Variants in UNC5B observed in about 807,000 individuals in gnomAD.
UNC5B encodes the protein unc-5 netrin receptor B.
In UNC5B, 56 loss-of-function variants were observed where a neutral mutation model predicts 103.7. The observed-to-expected ratio is 0.54, with a 90% CI of 0.44 to 0.67. The LOEUF (loss-of-function observed/expected upper bound fraction) is 0.67, where lower values mean the gene tolerates loss of function less well. Among genes scored for constraint, UNC5B ranks in the 30% least tolerant of loss-of-function variants. UNC5B has a pLI of 0.00. For missense variants in UNC5B, 1,194 were observed against 1,284.5 expected (o/e 0.93, Z 1.08); for synonymous variants, 577 against 542.0 (o/e 1.06, Z -0.90).
chr10:71,277,748 A>C (rs1281512984), intron 1 of UNC5B, among the ~76,000 whole-genome samples: 3 of 152,206 alleles, frequency 2.0e-5, no homozygotes, highest in Admixed American at 2.0e-4. Flanking sequence ...TGGCCTCAGG[A>C]ATCTGCCTTG....
At chr10:71,289,481 G>A (rs937360482) in intron 8 of UNC5B, among the ~76,000 whole-genome samples, 2 of 152,166 alleles carry the variant, frequency 1.3e-5, no homozygotes, top group African/African-American at 2.4e-5. Flanking sequence ...GCTGCCCTGC[G>A]TCAGCTCTGG....
chr10:71,288,467 T>C, intron 6 of UNC5B, 101 bp from the exon 7 acceptor site: 1 of 1,487,478 alleles, frequency 6.7e-7, no homozygotes. Context: ...CCATGGTGTG[T>C]ATGCATGCAT....
intron 1 of UNC5B, among the ~76,000 whole-genome samples, chr10:71,261,302 G>A (rs962209115): frequency 6.6e-6 from 1 of 152,192 alleles, no homozygotes; most frequent in East Asian, 1.9e-4. Context: ...CCTGTGCTGA[G>A]AAGGAGGCCT....
At position 71,288,613 on chromosome 10, in the gene UNC5B, C is replaced by G. The variant is rs1255135397; in HGVS notation, c.947C>G (p.Thr316Ser). The change falls in exon 7 of 17, where the codon ACT becomes AGT. Residue 316 changes from threonine to serine, a missense_variant. By Grantham distance (58) the Thr-to-Ser change is moderately conservative. Coordinates refer to ENST00000335350, the MANE Select transcript of UNC5B (RefSeq NM_170744.5). ...TEWSKWSACS[T>S]ECAHWRSREC... ...TGGAGCAAGTGGTCAGCCTGCAGCA[C>G]TGAGTGTGCCCACTGGCGTAGCCGC... 2 of 1,614,066 alleles carry G rather than the reference C, an allele frequency of 1.2e-6. No homozygotes were observed. The highest frequency in any genetic ancestry group is 1.7e-6 in the Non-Finnish European group (2 of 1,180,036).
intron 13 of UNC5B, among the ~76,000 whole-genome samples, chr10:71,294,604 C>T (rs1374214888): frequency 3.3e-5 from 5 of 152,060 alleles, no homozygotes; most frequent in East Asian, 1.9e-4. Flanking sequence ...CTGGATGCTG[C>T]GTGTGCTCAG....
intron 15 of UNC5B, 91 bp from the exon 16 acceptor site, chr10:71,297,818 G>A (rs762039039): frequency 2.2e-5 from 30 of 1,389,554 alleles, no homozygotes; most frequent in Non-Finnish European, 2.6e-5. Flanking sequence ...AGTGACTCAA[G>A]GCTCAATGAG....
chr10:71,297,352 C>A (rs1325110335), intron 15 of UNC5B, among the ~76,000 whole-genome samples: 1 of 152,256 alleles, frequency 6.6e-6, no homozygotes, highest in Non-Finnish European at 1.5e-5. Flanking sequence ...GATTTGCACA[C>A]AGTACACCAG....
In UNC5B at chr10:71,299,241, G is replaced by A; in HGVS notation, c.2802G>A (p.Glu934=). ...CCTTGGAGGAGATGGGCAAGAGTGAGATGCTGGTGGCTGTGGCCACCGACG... is the reference window on the plus strand; with the variant it reads ...CCTTGGAGGAGATGGGCAAGAGTGAAATGCTGGTGGCTGTGGCCACCGACG... The part of the protein sequence containing the change: ...ASALEEMGKS[E]MLVAVATDGD... Residue 934 remains glutamate, a synonymous_variant, in exon 17 of 17, where the codon GAG becomes GAA. Transcript: ENST00000335350. The A allele has an allele frequency of 1.2e-6, 2 of 1,614,216 alleles. No homozygotes were observed. The highest frequency in any genetic ancestry group is 1.7e-6 in the Non-Finnish European group (2 of 1,180,040).
intron 15 of UNC5B, among the ~76,000 whole-genome samples, chr10:71,297,411 G>C (rs535140345): frequency 9.8e-5 from 15 of 152,314 alleles, no homozygotes; most frequent in Admixed American, 3.3e-4. Flanking sequence ...CAGGCCTGTG[G>C]TTCTCAACCG....
At chr10:71,266,531 C>T (rs1337333669) in intron 1 of UNC5B, among the ~76,000 whole-genome samples, 1 of 152,142 alleles carries the variant, frequency 6.6e-6, no homozygotes, top group Non-Finnish European at 1.5e-5. Flanking sequence ...GGGCGTCCCT[C>T]GGGGCTGGAG....
At chr10:71,225,263 A>C (rs1275256542) in intron 1 of UNC5B, among the ~76,000 whole-genome samples, 4 of 152,024 alleles carry the variant, frequency 2.6e-5, no homozygotes, top group Non-Finnish European at 4.4e-5. Flanking sequence ...TGTTCTCCAA[A>C]CCCACGGGGG....
chr10:71,293,518 G>T lies in UNC5B; in HGVS notation c.1886G>T (p.Ser629Ile). Residue 629 changes from serine to isoleucine, a missense_variant, in exon 12 of 17, where the codon AGT becomes ATT. Transcript: ENST00000335350. ...ILTMPHCAEVSARDWIFQLKT... is the reference protein window; with the variant it reads ...ILTMPHCAEVIARDWIFQLKT... ...ACCATGCCCCACTGTGCCGAAGTCA[G>T]TGCCCGTGACTGGATCTTTCAGCTC... is the stretch of plus-strand genomic sequence containing the variant. 1 of 1,614,042 alleles carries T rather than the reference G, an allele frequency of 6.2e-7. No individual in the cohort carries two copies. Among genetic ancestry groups the T allele is most frequent in the Non-Finnish European group, 8.5e-7 (1 of 1,180,038 alleles).
At chr10:71,230,555 T>C (rs60387595) in intron 1 of UNC5B, among the ~76,000 whole-genome samples, 5,182 of 152,280 alleles carry the variant, frequency 0.034, 283 homozygotes, top group African/African-American at 0.12. Flanking sequence ...CTCTCTGCCC[T>C]CCCCACCTCA....
intron 7 of UNC5B, 44 bp from the exon 8 acceptor site, chr10:71,288,914 C>CT (rs1845171423): frequency 1.2e-6 from 2 of 1,606,906 alleles, no homozygotes; most frequent in Admixed American, 3.3e-5. Flanking sequence ...CCACCCTTTC[C>CT]CTGTCACCTA....
intron 10 of UNC5B, 87 bp from the exon 11 acceptor site, chr10:71,292,380 C>A: frequency 8.5e-6 from 10 of 1,179,268 alleles, no homozygotes; most frequent in Non-Finnish European, 1.2e-5. Context: ...AGATATCTTT[C>A]TCTCCCAGCC....
At chr10:71,250,749 A>G (rs1844154218) in intron 1 of UNC5B, among the ~76,000 whole-genome samples, 1 of 152,230 alleles carries the variant, frequency 6.6e-6, no homozygotes, top group East Asian at 1.9e-4. Context: ...GGTTTCCTGA[A>G]GGGTTATCCC....
chr10:71,296,459 A>C (rs921744123), intron 14 of UNC5B, 119 bp from the exon 15 acceptor site: 1 of 1,181,364 alleles, frequency 8.5e-7, no homozygotes, highest in South Asian at 1.5e-5. Flanking sequence ...ACCCCTCCCT[A>C]TCTGGGTGGA....
At position 71,299,646 on chromosome 10, in the gene UNC5B, C is replaced by T. The variant is rs16928659; in HGVS notation, c.*369C>T. Reference sequence around the variant, plus strand: ...TTCTGGGTTCCATGGGTTTTAGTTCCGTTCTCGTTTTCTTCCTCCGTTATT... The same window carrying T: ...TTCTGGGTTCCATGGGTTTTAGTTCTGTTCTCGTTTTCTTCCTCCGTTATT... On this transcript the variant is annotated 3_prime_UTR_variant, in exon 17 of 17. Transcript: ENST00000335350. 1,002 of 155,408 alleles carry T rather than the reference C, an allele frequency of 6.4e-3. 8 individuals are homozygous for T. In the African/African-American group the frequency reaches 0.066, roughly 10 times the overall value. 9.6% of individuals were successfully genotyped at this position (155,408 alleles called of 1,614,324 possible). A position where few individuals can be genotyped will look rare whatever the true frequency, so the allele number is the denominator to read the frequency against.
chr10:71,284,888 G>T (rs765576640), intron 3 of UNC5B, 25 bp downstream of exon 3: 1 of 1,566,266 alleles, frequency 6.4e-7, no homozygotes, highest in South Asian at 1.2e-5. Flanking sequence ...CCCCCACCCT[G>T]TCCCTGCAGG....
Sources: allele counts gnomAD v4.1 joint callset (sites outside exome capture counted in the v4.1 genomes callset), GRCh38; gene constraint gnomAD v4.1.1; transcripts MANE v1.5; gene names NCBI Gene and HGNC (gene_info 2026-07-23, HGNC 2026-07-21).